COL4A6: variants seen among roughly 807,000 people sequenced by gnomAD.
The protein encoded by COL4A6 is collagen type IV alpha 6 chain.
In COL4A6, 59 loss-of-function variants were observed where a neutral mutation model predicts 126.7. That is an observed-to-expected ratio of 0.47 (90% confidence interval 0.38 to 0.58). The LOEUF is 0.58. COL4A6 is among the 20% of genes least tolerant of loss of function. The pLI is 0.00. For synonymous variants in COL4A6, 547 were observed against 496.6 expected (o/e 1.10, Z -1.35); for missense variants, 1,285 against 1,337.3 (o/e 0.96, Z 0.61).
chrX:108,183,099 G>A, intron 23 of COL4A6, among the ~76,000 whole-genome samples: 1 of 112,412 alleles, frequency 8.9e-6, no homozygotes, highest in South Asian at 3.8e-4. Flanking sequence ...AATGGTGAGA[G>A]GGAAGGACTT....
At chrX:108,170,587 G>A (rs1311490081) in intron 35 of COL4A6, 22 bp downstream of exon 35, 1 of 1,150,450 alleles carries the variant, frequency 8.7e-7, no homozygotes, top group Non-Finnish European at 1.2e-6. Flanking sequence ...TTTCCCCACT[G>A]CCTGCTCCCA....
chrX:108,314,511 C>T (rs2038837060), intron 2 of COL4A6, among the ~76,000 whole-genome samples: 1 of 111,987 alleles, frequency 8.9e-6, no homozygotes, highest in Non-Finnish European at 1.9e-5. Context: ...AGAGTCTTTG[C>T]AATGTTCCTA....
chrX:108,279,750 A>T (rs1364725761), intron 3 of COL4A6, among the ~76,000 whole-genome samples: 4 of 111,378 alleles, frequency 3.6e-5, no homozygotes, highest in African/African-American at 6.6e-5. Context: ...GAAGTAAAGC[A>T]CTCCTCAGCA....
chrX:108,256,820 T>C (rs1003983539), intron 3 of COL4A6, among the ~76,000 whole-genome samples: 15 of 111,591 alleles, frequency 1.3e-4, no homozygotes, highest in African/African-American at 4.9e-4. Context: ...TACTAGACTA[T>C]ACTGCACTGT....
Position 108,417,485 on chromosome X carries a change from T to G in COL4A6, c.63+20457A>C, listed in dbSNP as rs183426185. 5.4e-5 allele frequency among the ~76,000 whole-genome samples: 6 copies of G among 112,103 alleles called. No individual in the cohort carries two copies. In the South Asian group the frequency reaches 1.1e-3, roughly 21 times the overall value. ...GTTCTTTCACAGTTCTGAAAGAAAC[T>G]GAAAGCATTAGTAAGTTTCTATTCT... On this transcript the variant is annotated intron_variant, in intron 2 of 44. Coordinates refer to ENST00000334504, the MANE Select transcript of COL4A6 (RefSeq NM_033641.4).
intron 13 of COL4A6, among the ~76,000 whole-genome samples, chrX:108,200,956 G>C (rs959671246): frequency 6.2e-5 from 7 of 112,079 alleles, no homozygotes; most frequent in South Asian, 3.7e-4. Context: ...TCAGTGACTT[G>C]CCAAAGTCCC....
At chrX:108,175,253 G>T (rs1479765660) in intron 29 of COL4A6, 38 bp from the exon 30 acceptor site, 1 of 1,136,686 alleles carries the variant, frequency 8.8e-7, no homozygotes, top group East Asian at 3.2e-5. Flanking sequence ...AGAGAGCTTA[G>T]ACGCAGGGTC....
At chrX:108,178,619 G>A (rs2034575382) in intron 27 of COL4A6, 65 bp downstream of exon 27, 1 of 1,113,260 alleles carries the variant, frequency 9.0e-7, no homozygotes, top group African/African-American at 1.8e-5. Flanking sequence ...TGCCCCCCCA[G>A]GGCATCTGGG....
chrX:108,363,381 T>C (rs185621186), intron 2 of COL4A6, among the ~76,000 whole-genome samples: 269 of 112,114 alleles, frequency 2.4e-3, no homozygotes, highest in Non-Finnish European at 4.5e-3. Context: ...AAGAATCTAG[T>C]GGGCATTTAG....
intron 23 of COL4A6, 131 bp from the exon 24 acceptor site, chrX:108,181,099 A>G: frequency 3.7e-6 from 2 of 538,461 alleles, no homozygotes; most frequent in Non-Finnish European, 6.1e-6. Flanking sequence ...GGGAGCCCAC[A>G]CTGGAAAACC....
At chrX:108,176,465 C>T (rs1324797704) in intron 28 of COL4A6, among the ~76,000 whole-genome samples, 4 of 110,968 alleles carry the variant, frequency 3.6e-5, no homozygotes, top group African/African-American at 9.8e-5. Context: ...CCTTAAACCA[C>T]TCACTTTCCC....
intron 6 of COL4A6, among the ~76,000 whole-genome samples, chrX:108,212,542 G>A (rs1284983461): frequency 8.9e-6 from 1 of 111,919 alleles, no homozygotes; most frequent in Non-Finnish European, 1.9e-5. Flanking sequence ...AGTATGTGGG[G>A]TAGGGCTAAG....
chrX:108,234,037 G>A (rs979403033), intron 3 of COL4A6, among the ~76,000 whole-genome samples: 5 of 111,990 alleles, frequency 4.5e-5, no homozygotes, highest in African/African-American at 1.6e-4. Context: ...CTGTGGTATT[G>A]TTAGAGTAGA....
chrX:108,271,111 C>T (rs929512890), intron 3 of COL4A6, among the ~76,000 whole-genome samples: 3 of 112,353 alleles, frequency 2.7e-5, no homozygotes, highest in African/African-American at 9.7e-5. Context: ...AATTTGTCAG[C>T]GTTGGTGAAG....
At position 108,179,389 on chromosome X, in the gene COL4A6, G is replaced by T; in HGVS notation, c.2181C>A (p.Leu727=). 1.7e-6 allele frequency: 2 copies of T among 1,209,948 alleles called. No individual in the cohort carries two copies. Among genetic ancestry groups the T allele is most frequent in the Non-Finnish European group, 2.2e-6 (2 of 894,496 alleles). The change falls in exon 26 of 45, where the codon CTC becomes CTA. Residue 727 remains leucine (L), a synonymous_variant. Transcript: ENST00000334504. ...TCCCAGGCAAGCCATCTTTTCCAGG[G>T]AGCCCAGGAAACCCAGGCAAGCCCT... ...GEKGLPGFPG[L]PGKDGLPGMI...
At position 108,180,599 on chromosome X, in the gene COL4A6, G is replaced by T; in HGVS notation, c.2047C>A (p.Pro683Thr). 1 of 1,200,662 alleles carries T rather than the reference G, an allele frequency of 8.3e-7. No individual in the cohort carries two copies. The highest frequency in any genetic ancestry group is 1.8e-5 in the South Asian group (1 of 54,428). The change falls in exon 25 of 45, where the codon CCT becomes ACT. Residue 683 changes from proline to threonine, a missense_variant. By Grantham distance (38) the Pro-to-Thr change is conservative. Transcript: ENST00000334504. The part of the protein sequence containing the change: ...FPGPKGSRGL[P>T]GTPGQPGSSG... ...GACCCAGGCTGGCCTGGGGTCCCAG[G>T]GAGGCCTCGAGACCCTTTAGGGCCT... is the stretch of plus-strand genomic sequence containing the variant.
At chrX:108,161,498 T>G (rs1569321637) in intron 42 of COL4A6, 121 bp downstream of exon 42, 8 of 472,210 alleles carry the variant, frequency 1.7e-5, no homozygotes, top group Admixed American at 3.3e-5. Flanking sequence ...ATCTTAGGAG[T>G]GTCAAGCTCT....
intron 2 of COL4A6, among the ~76,000 whole-genome samples, chrX:108,434,249 G>C (rs7050574): frequency 0.075 from 8,319 of 111,339 alleles, 682 homozygotes; most frequent in African/African-American, 0.23. Flanking sequence ...TCATGCCATA[G>C]TTTGGCAGTC....
chrX:108,331,410 G>A (rs1271823139), intron 2 of COL4A6, among the ~76,000 whole-genome samples: 1 of 111,938 alleles, frequency 8.9e-6, no homozygotes, highest in Non-Finnish European at 1.9e-5. Flanking sequence ...ATAGCCTATT[G>A]CTCTTAGGAT....
Sources: gnomAD v4.1 joint callset for allele counts (sites outside exome capture counted in the v4.1 genomes callset) on GRCh38, gnomAD v4.1.1 for gene constraint, MANE v1.5 for transcripts, NCBI Gene and HGNC (gene_info 2026-07-23, HGNC 2026-07-21) for gene names.